ASPH: variants seen among roughly 807,000 people sequenced by gnomAD.
ASPH encodes aspartyl/asparaginyl beta-hydroxylase.
Under a neutral mutation model 118.4 loss-of-function variants are expected in ASPH, and 100 were observed. That is an observed-to-expected ratio of 0.84 (90% CI 0.72 to 1.00). The LOEUF (loss-of-function observed/expected upper bound fraction) is 1.00, where lower values mean the gene tolerates loss of function less well. Among genes scored for constraint, ASPH ranks in the 50% least tolerant of loss-of-function variants. The pLI is 0.00. For synonymous variants in ASPH, 315 were observed against 325.6 expected (o/e 0.97, Z 0.35); for missense variants, 920 against 919.5 (o/e 1.00, Z -0.01).
In ASPH at chr8:61,651,088, A is replaced by G. The variant is rs1810742926; in HGVS notation, c.452T>C (p.Ile151Thr). 6.2e-7 allele frequency: 1 copy of G among 1,613,798 alleles called. No homozygotes were observed. Among genetic ancestry groups the G allele is most frequent in the Non-Finnish European group, 8.5e-7 (1 of 1,179,882 alleles). The change falls in exon 5 of 25, where the codon ATT (isoleucine) becomes ACT (threonine). Residue 151 changes from isoleucine (I) to threonine (T), a missense_variant. Transcript: ENST00000379454. ...TACCATTTCATGGAGAAGGGACTGAATTTGTTCTTTTGCTTCATCTTCGAT... is the reference window on the plus strand; with the variant it reads ...TACCATTTCATGGAGAAGGGACTGAGTTTGTTCTTTTGCTTCATCTTCGAT... ...QNIEDEAKEQ[I>T]QSLLHEMVHA...
At chr8:61,609,063 G>A (rs1373792700) in intron 14 of ASPH, among the ~76,000 whole-genome samples, 1 of 152,186 alleles carries the variant, frequency 6.6e-6, no homozygotes, top group Admixed American at 6.5e-5. Context: ...GGGCGAGGAG[G>A]AAAGGGGAAG....
chr8:61,505,706 G>A (rs1330341877), intron 24 of ASPH, among the ~76,000 whole-genome samples: 2 of 152,118 alleles, frequency 1.3e-5, no homozygotes, highest in Non-Finnish European at 2.9e-5. Context: ...CAACTCCTCT[G>A]AAGGTTTTTA....
chr8:61,631,650 T>C (rs1291785510), intron 13 of ASPH: 1 of 152,232 alleles, frequency 6.6e-6, no homozygotes, highest in Admixed American at 6.5e-5. Context: ...ATGACTGTAT[T>C]GCTGACTCTC....
chr8:61,674,493 T>C (rs1034101251), intron 3 of ASPH, among the ~76,000 whole-genome samples: 1 of 152,222 alleles, frequency 6.6e-6, no homozygotes, highest in Non-Finnish European at 1.5e-5. Flanking sequence ...AGAGCTTTAA[T>C]AGTCACTTTA....
chr8:61,714,517 C>T lies in ASPH; in HGVS notation c.-146G>A. 6.7e-6 allele frequency: 8 copies of T among 1,195,300 alleles called. No individual in the cohort carries two copies. Among genetic ancestry groups the T allele is most frequent in the Non-Finnish European group, 7.5e-6 (7 of 928,222 alleles). The allele number at this position is 1,195,300 out of a possible 1,614,324, so 74.0% of individuals were successfully genotyped here. On this transcript the variant is annotated 5_prime_UTR_variant, in exon 1 of 25. Coordinates refer to ENST00000379454, the MANE Select transcript of ASPH (RefSeq NM_004318.4). ...TGCAGCAGACCCTGTGCCTCAGCAC[C>T]GCCTGCAGCACCTGGGAAGACTTCA...
In ASPH at chr8:61,681,143, TAATAC is replaced by T. The variant is rs991202262; in HGVS notation, c.254-112_254-108del. 4.3e-5 allele frequency: 36 copies of T among 829,564 alleles called. No individual in the cohort carries two copies. In the African/African-American group the frequency reaches 6.2e-4, roughly 14 times the overall value. The allele number at this position is 829,564 out of a possible 1,614,324, so 51.4% of individuals were successfully genotyped here. ...CAACTCAGTCATAAATGTTACCAAT[TAATAC>T]AATTCTTTGCTCTTTTAATCCTGCA... On this transcript the variant is annotated intron_variant, in intron 2 of 24. Transcript: ENST00000379454.
rs1427600125 is a variant in ASPH, at chr8:61,644,657, T to A, written c.620-25A>T. 3.2e-6 allele frequency: 5 copies of A among 1,566,540 alleles called. No individual in the cohort carries two copies. In the Admixed American group the frequency reaches 8.8e-5, roughly 28 times the overall value. ...TCTGGAAAAAAAAAAATTAGATTGA[T>A]ATTTACTGCTTTTACAAAATGGTAT... On this transcript the variant is annotated intron_variant, in intron 6 of 24. Coordinates refer to ENST00000379454, the MANE Select transcript of ASPH (RefSeq NM_004318.4).
At chr8:61,708,830 C>T (rs1032901911) in intron 1 of ASPH, among the ~76,000 whole-genome samples, 1 of 152,042 alleles carries the variant, frequency 6.6e-6, no homozygotes, top group Non-Finnish European at 1.5e-5. Context: ...ATAGTGGCTG[C>T]CCTTGGAAAC....
chr8:61,682,596 A>G lies in ASPH; in HGVS notation c.253+1443T>C, dbSNP rs1274813196. On this transcript the variant is annotated intron_variant, in intron 2 of 24. Coordinates refer to ENST00000379454, the MANE Select transcript of ASPH (RefSeq NM_004318.4). ...CAACATATCACTGTAAGTCAGTCAA[A>G]GCATAGATCTACTCAGAAATTTGTC... is the stretch of plus-strand genomic sequence containing the variant. The G allele has an allele frequency of 4.0e-6, 4 of 1,005,446 alleles. No individual in the cohort carries two copies. The African/African-American group carries it at 4.9e-5, about 12-fold the overall frequency. The allele number at this position is 1,005,446 out of a possible 1,614,324, so 62.3% of individuals were successfully genotyped here. A position where few individuals can be genotyped will look rare whatever the true frequency, so the allele number is the denominator to read the frequency against.
At chr8:61,711,369 G>A (rs1838020024) in intron 1 of ASPH, among the ~76,000 whole-genome samples, 1 of 151,976 alleles carries the variant, frequency 6.6e-6, no homozygotes, top group African/African-American at 2.4e-5. Flanking sequence ...CAATAAATTT[G>A]AAAAAGGCTT....
intron 1 of ASPH, among the ~76,000 whole-genome samples, chr8:61,708,359 T>C (rs1318897002): frequency 2.0e-5 from 3 of 152,236 alleles, no homozygotes; most frequent in Non-Finnish European, 4.4e-5. Context: ...AGTAGTTAAA[T>C]GCTAGATATT....
At chr8:61,597,229 T>C (rs1273318783) in intron 14 of ASPH, among the ~76,000 whole-genome samples, 1 of 145,084 alleles carries the variant, frequency 6.9e-6, no homozygotes, top group Admixed American at 6.9e-5. Context: ...TGAAGGGGCC[T>C]GGCATGGTCA....
intron 5 of ASPH, 151 bp downstream of exon 5, chr8:61,650,899 A>C: frequency 1.4e-6 from 1 of 697,720 alleles, no homozygotes; most frequent in Non-Finnish European, 2.3e-6. Flanking sequence ...TTTCAAAAAC[A>C]ACACCTGCTA....
At chr8:61,664,335 A>T (rs1271603142) in intron 3 of ASPH, 2 of 973,072 alleles carry the variant, frequency 2.1e-6, no homozygotes, top group Admixed American at 1.2e-4. Context: ...ATGGAAAAAA[A>T]GTGTGATATA....
intron 14 of ASPH, among the ~76,000 whole-genome samples, chr8:61,585,380 C>T (rs115485108): frequency 0.019 from 2,819 of 152,142 alleles, 92 homozygotes; most frequent in African/African-American, 0.065. Flanking sequence ...GGGGGCAAAG[C>T]GGGAGGGATA....
chr8:61,515,563 A>T (rs1479002260), intron 24 of ASPH, among the ~76,000 whole-genome samples: 1 of 152,012 alleles, frequency 6.6e-6, no homozygotes, highest in East Asian at 1.9e-4. Flanking sequence ...GATAAGTCTG[A>T]CTCTCAAATC....
intron 3 of ASPH, among the ~76,000 whole-genome samples, chr8:61,670,971 G>T (rs1822196633): frequency 6.6e-6 from 1 of 152,054 alleles, no homozygotes; most frequent in Non-Finnish European, 1.5e-5. Flanking sequence ...TGCTAACAAG[G>T]GAAACTGTTG....
chr8:61,580,323 CA>C (rs1470882947), intron 15 of ASPH, among the ~76,000 whole-genome samples: 1 of 152,186 alleles, frequency 6.6e-6, no homozygotes, highest in Non-Finnish European at 1.5e-5. Flanking sequence ...GCTGCCCTAG[CA>C]GAGGTTCTCC....
chr8:61,570,691 T>G (rs1034594797), intron 16 of ASPH, among the ~76,000 whole-genome samples: 5 of 152,216 alleles, frequency 3.3e-5, no homozygotes, highest in African/African-American at 1.2e-4. Flanking sequence ...GTCTGCAGAT[T>G]GATTTTTATC....
Sources: gnomAD v4.1 joint callset for allele counts (sites outside exome capture counted in the v4.1 genomes callset) on GRCh38, gnomAD v4.1.1 for gene constraint, MANE v1.5 for transcripts, NCBI Gene and HGNC (gene_info 2026-07-23, HGNC 2026-07-21) for gene names.